Variants in SSH1 observed in about 807,000 individuals in gnomAD.
SSH1 encodes the protein slingshot protein phosphatase 1.
Under a neutral mutation model 79.7 loss-of-function variants are expected in SSH1, and 43 were observed. The ratio of observed to expected loss-of-function variants is 0.54; its 90% CI spans 0.42 to 0.70. The LOEUF (loss-of-function observed/expected upper bound fraction) is 0.70, where lower values mean the gene tolerates loss of function less well. Among genes scored for constraint, SSH1 ranks in the 30% least tolerant of loss-of-function variants. The pLI is 0.00. For missense variants in SSH1, 1,206 were observed against 1,358.8 expected, an observed-to-expected ratio of 0.89 and a Z score of 1.77; for synonymous variants, 599 against 538.3, an observed-to-expected ratio of 1.11 and a Z score of -1.56.
intron 3 of SSH1, among the ~76,000 whole-genome samples, chr12:108,822,297 C>A (rs2038151197): frequency 6.6e-6 from 1 of 151,982 alleles, no homozygotes; most frequent in Non-Finnish European, 1.5e-5. Context: ...CCACGCCCAG[C>A]TAATTTTTGT....
At chr12:108,835,515 G>A (rs149378276) in intron 2 of SSH1, among the ~76,000 whole-genome samples, 2 of 152,296 alleles carry the variant, frequency 1.3e-5, no homozygotes, top group African/African-American at 2.4e-5. Flanking sequence ...CCAAGGAGCC[G>A]GGAAGCAGGA....
intron 7 of SSH1, among the ~76,000 whole-genome samples, chr12:108,808,245 G>C (rs2037388715): frequency 1.3e-5 from 2 of 152,156 alleles, no homozygotes. Flanking sequence ...GCTGAGAAGT[G>C]CAGTTTGTAA....
intron 2 of SSH1, among the ~76,000 whole-genome samples, chr12:108,836,703 A>G (rs1438248032): frequency 6.6e-6 from 1 of 152,242 alleles, no homozygotes; most frequent in Non-Finnish European, 1.5e-5. Flanking sequence ...ATGAAGGGGA[A>G]AAGAATAACT....
At chr12:108,826,062 T>G (rs1204475012) in intron 2 of SSH1, 1 of 435,818 alleles carries the variant, frequency 2.3e-6, no homozygotes. Flanking sequence ...CAACATCAAC[T>G]GCTTTTGTTC....
chr12:108,782,777 T>G lies in SSH1; in HGVS notation c.*5211A>C, dbSNP rs2036166242. On this transcript the variant is annotated 3_prime_UTR_variant, in exon 15 of 15. Coordinates refer to ENST00000326495, the MANE Select transcript of SSH1 (RefSeq NM_018984.4). ...CACACCAACAGAAGTAAAAAAAAAGTGCATTCTGCATCTTCTACTGCAAAT... is the reference window on the plus strand; with the variant it reads ...CACACCAACAGAAGTAAAAAAAAAGGGCATTCTGCATCTTCTACTGCAAAT... The G allele has an allele frequency of 1.3e-5, 2 of 152,240 alleles. No individual in the cohort carries two copies. Among genetic ancestry groups the G allele is most frequent in the Admixed American group, 1.3e-4 (2 of 15,286 alleles). The allele number at this position is 152,240 out of a possible 1,614,324, so 9.4% of individuals were successfully genotyped here. A position where few individuals can be genotyped will look rare whatever the true frequency, so the allele number is the denominator to read the frequency against.
chr12:108,853,952 G>A (rs988855989), intron 1 of SSH1, among the ~76,000 whole-genome samples: 1 of 151,286 alleles, frequency 6.6e-6, no homozygotes, highest in African/African-American at 2.4e-5. Context: ...ACACCAGAGG[G>A]CCTGGGAGTC....
chr12:108,826,762 T>C (rs577122692), intron 2 of SSH1, among the ~76,000 whole-genome samples: 37 of 152,104 alleles, frequency 2.4e-4, no homozygotes, highest in Non-Finnish European at 5.0e-4. Context: ...ACCCTCAAAG[T>C]GTCCCACTGG....
intron 5 of SSH1, among the ~76,000 whole-genome samples, chr12:108,814,704 T>A (rs2037801758): frequency 6.6e-6 from 1 of 152,062 alleles, no homozygotes; most frequent in Admixed American, 6.5e-5. Context: ...TGCCCACAGG[T>A]GGGCCGTGGC....
intron 2 of SSH1, among the ~76,000 whole-genome samples, chr12:108,824,498 G>T (rs1442185424): frequency 6.6e-6 from 1 of 151,912 alleles, no homozygotes; most frequent in Non-Finnish European, 1.5e-5. Context: ...AAAGTGGGTG[G>T]ATACTGACTT....
At chr12:108,851,930 C>T (rs1044328395) in intron 2 of SSH1, among the ~76,000 whole-genome samples, 87 of 151,822 alleles carry the variant, frequency 5.7e-4, no homozygotes, top group African/African-American at 2.0e-3. Flanking sequence ...CAAGTTAGGC[C>T]GGGCACAGTA....
intron 5 of SSH1, among the ~76,000 whole-genome samples, chr12:108,814,349 CT>C (rs763191169): frequency 8.4e-4 from 122 of 144,784 alleles, no homozygotes; most frequent in Admixed American, 9.0e-4. Flanking sequence ...TTGTCTCTTC[CT>C]TTTTTTTTTT....
At chr12:108,793,157 C>T (rs914015822) in intron 13 of SSH1, among the ~76,000 whole-genome samples, 2 of 152,196 alleles carry the variant, frequency 1.3e-5, no homozygotes, top group South Asian at 2.1e-4. Context: ...ACGTCAGTTA[C>T]ACTCCATCTC....
Position 108,802,303 on chromosome 12 carries a change from A to G in SSH1, c.1001+19T>C. On this transcript the variant is annotated intron_variant, in intron 11 of 14. Transcript: ENST00000326495. The stretch of plus-strand genomic sequence containing the variant: ...AAGCTGCCTGGAAGGACAGGGAAAG[A>G]CAAGGGGAGGAGACTCACCCTGAGC... 3 of 1,612,700 alleles carry G rather than the reference A, an allele frequency of 1.9e-6. No individual in the cohort carries two copies. Among genetic ancestry groups the G allele is most frequent in the African/African-American group, 1.3e-5 (1 of 75,002 alleles).
At chr12:108,849,343 A>G (rs2038966136) in intron 2 of SSH1, among the ~76,000 whole-genome samples, 1 of 152,182 alleles carries the variant, frequency 6.6e-6, no homozygotes, top group Non-Finnish European at 1.5e-5. Flanking sequence ...ACTTAAGCCC[A>G]AGAGTTTGAG....
intron 13 of SSH1, 55 bp from the exon 14 acceptor site, chr12:108,792,884 G>T: frequency 1.9e-6 from 3 of 1,607,944 alleles, no homozygotes; most frequent in Non-Finnish European, 2.5e-6. Context: ...GCCTGGGGGT[G>T]CTGGGAAGAG....
chr12:108,847,106 G>A (rs2137277429), intron 2 of SSH1, among the ~76,000 whole-genome samples: 1 of 152,210 alleles, frequency 6.6e-6, no homozygotes, highest in Middle Eastern at 3.4e-3. Flanking sequence ...GCCATGTTGT[G>A]TAGGCTGGTC....
intron 2 of SSH1, chr12:108,827,261 A>C (rs1178669304): frequency 6.5e-7 from 1 of 1,548,494 alleles, no homozygotes; most frequent in South Asian, 1.2e-5. Context: ...GGTCATACGT[A>C]CTAATTTGAG....
intron 2 of SSH1, among the ~76,000 whole-genome samples, chr12:108,825,740 A>C (rs574452776): frequency 6.6e-6 from 1 of 152,336 alleles, no homozygotes; most frequent in East Asian, 1.9e-4. Flanking sequence ...ATAAATAACG[A>C]AAGAAACGAG....
intron 2 of SSH1, among the ~76,000 whole-genome samples, chr12:108,834,618 C>T (rs1209933349): frequency 6.6e-6 from 1 of 152,154 alleles, no homozygotes; most frequent in Non-Finnish European, 1.5e-5. Context: ...AGGCGGGGGT[C>T]CTGAAACCAA....
Sources: allele counts gnomAD v4.1 joint callset (sites outside exome capture counted in the v4.1 genomes callset), GRCh38; gene constraint gnomAD v4.1.1; transcripts MANE v1.5; gene names NCBI Gene and HGNC (gene_info 2026-07-23, HGNC 2026-07-21).